Variants in PCDH11X observed in about 807,000 individuals in gnomAD.
PCDH11X encodes protocadherin 11 X-linked, also known as protocadherin-11 X-linked.
Under a neutral mutation model 53.3 loss-of-function variants are expected in PCDH11X, and 18 were observed. The observed-to-expected ratio is 0.34, with a 90% CI of 0.23 to 0.50. The LOEUF is 0.50. Among genes scored for constraint, PCDH11X ranks in the 20% least tolerant of loss-of-function variants. PCDH11X has a pLI of 0.98. For synonymous variants in PCDH11X, 279 were observed against 393.3 expected (o/e 0.71, Z 3.44); for missense variants, 570 against 1,032.4 (o/e 0.55, Z 6.14).
intron 10 of PCDH11X, among the ~76,000 whole-genome samples, chrX:92,605,721 A>G (rs1344837637): frequency 4.5e-5 from 5 of 112,214 alleles, no homozygotes; most frequent in Non-Finnish European, 9.4e-5. Context: ...TCTCATTTAC[A>G]GTAGAATAAA....
At chrX:91,912,231 T>C (rs1311583707) in intron 6 of PCDH11X, among the ~76,000 whole-genome samples, 2 of 111,442 alleles carry the variant, frequency 1.8e-5, no homozygotes, top group Admixed American at 9.5e-5. Context: ...ACAGGGATAA[T>C]TTGACTTCTT....
intron 8 of PCDH11X, among the ~76,000 whole-genome samples, chrX:92,295,155 C>G (rs1271290861): frequency 2.8e-5 from 3 of 107,927 alleles, no homozygotes; most frequent in Non-Finnish European, 3.8e-5. Flanking sequence ...TAAATGCAAA[C>G]AGAATATGAC....
chrX:92,611,836 C>T (rs1222039207), intron 10 of PCDH11X, among the ~76,000 whole-genome samples: 1 of 105,199 alleles, frequency 9.5e-6, no homozygotes, highest in Non-Finnish European at 2.0e-5. Context: ...CTGAGATGAT[C>T]ACTTTTTTTT....
At chrX:92,278,009 A>T (rs2068147749) in intron 8 of PCDH11X, among the ~76,000 whole-genome samples, 1 of 111,653 alleles carries the variant, frequency 9.0e-6, no homozygotes, top group South Asian at 3.7e-4. Context: ...ATGATTAAAC[A>T]CCAAGGAAAG....
At chrX:92,473,964 T>G (rs1205928193) in intron 10 of PCDH11X, among the ~76,000 whole-genome samples, 1 of 111,582 alleles carries the variant, frequency 9.0e-6, no homozygotes, top group Non-Finnish European at 1.9e-5. Flanking sequence ...GATTTTTTGT[T>G]CTATAGTGAG....
chrX:92,438,346 A>C (rs1486465158), intron 9 of PCDH11X, among the ~76,000 whole-genome samples: 1 of 111,686 alleles, frequency 9.0e-6, no homozygotes, highest in African/African-American at 3.2e-5. Context: ...GTTATTATTA[A>C]GGGAATTGAT....
intron 8 of PCDH11X, among the ~76,000 whole-genome samples, chrX:92,331,064 A>G (rs2069452618): frequency 9.7e-6 from 1 of 102,883 alleles, no homozygotes; most frequent in Admixed American, 1.1e-4. Context: ...TGTGCAGTTT[A>G]CTGTATGTTA....
intron 6 of PCDH11X, among the ~76,000 whole-genome samples, chrX:92,028,851 AAC>A (rs2063004958): frequency 9.0e-6 from 1 of 111,574 alleles, no homozygotes; most frequent in Admixed American, 9.6e-5. Flanking sequence ...GGAGGCCAAA[AAC>A]ACAGCAATAA....
intron 6 of PCDH11X, among the ~76,000 whole-genome samples, chrX:92,108,131 T>C (rs2064426306): frequency 8.9e-6 from 1 of 112,160 alleles, no homozygotes; most frequent in Non-Finnish European, 1.9e-5. Context: ...TCTGAAAACA[T>C]ACCTGGTTCA....
At chrX:92,610,746 T>C (rs72608350) in intron 10 of PCDH11X, among the ~76,000 whole-genome samples, 25,623 of 110,026 alleles carry the variant, frequency 0.23, 2,390 homozygotes, top group African/African-American at 0.3. Context: ...TTTAAATCTT[T>C]AATTCATCTT....
intron 8 of PCDH11X, among the ~76,000 whole-genome samples, chrX:92,345,200 C>T (rs1317730242): frequency 3.6e-5 from 4 of 110,438 alleles, no homozygotes; most frequent in Non-Finnish European, 5.7e-5. Flanking sequence ...GAAAACAGAG[C>T]TGAAGAGGAT....
At chrX:92,224,905 T>C in intron 7 of PCDH11X, among the ~76,000 whole-genome samples, 1 of 112,072 alleles carries the variant, frequency 8.9e-6, no homozygotes, top group East Asian at 2.8e-4. Flanking sequence ...TCTTGCCCAA[T>C]TGTGTGTGCT....
At chrX:91,951,588 A>C (rs2061641764) in intron 6 of PCDH11X, among the ~76,000 whole-genome samples, 1 of 100,040 alleles carries the variant, frequency 1.0e-5, no homozygotes, top group Non-Finnish European at 2.0e-5. Flanking sequence ...CTGATGCATC[A>C]ACTATTCCAG....
At chrX:92,558,515 A>C (rs1266636912) in intron 10 of PCDH11X, among the ~76,000 whole-genome samples, 2 of 111,578 alleles carry the variant, frequency 1.8e-5, no homozygotes, top group African/African-American at 6.5e-5. Flanking sequence ...GAAGTTCTAT[A>C]TGGAAACAAG....
intron 8 of PCDH11X, among the ~76,000 whole-genome samples, chrX:92,366,900 T>C (rs1406885124): frequency 9.1e-6 from 1 of 110,240 alleles, no homozygotes; most frequent in Non-Finnish European, 1.9e-5. Flanking sequence ...GCTGAGGAGT[T>C]TTTTACTTCC....
chrX:92,368,078 T>C lies in PCDH11X; in HGVS notation c.3145-19657T>C, dbSNP rs1243419592. 3.9e-5 allele frequency among the ~76,000 whole-genome samples: 4 copies of C among 102,020 alleles called. No homozygotes were observed. The East Asian group carries it at 1.2e-3, about 31-fold the overall frequency. 88.6% of individuals were successfully genotyped at this position (102,020 alleles called of 115,157 possible). On this transcript the variant is annotated intron_variant, in intron 8 of 10. Transcript: ENST00000682573. ...GGTGAAGTTCTCCTGGATAATATCC[T>C]GAAGTGTGTTTCCCAACTTGGTTCC... is the stretch of plus-strand genomic sequence containing the variant.
At chrX:91,946,070 CG>C (rs2061568892) in intron 6 of PCDH11X, among the ~76,000 whole-genome samples, 1 of 109,123 alleles carries the variant, frequency 9.2e-6, no homozygotes, top group South Asian at 4.0e-4. Context: ...CGTGGTGAAA[CG>C]GAATACTCAG....
intron 8 of PCDH11X, among the ~76,000 whole-genome samples, chrX:92,278,452 C>T (rs902468971): frequency 9.0e-5 from 10 of 110,568 alleles, no homozygotes; most frequent in African/African-American, 3.0e-4. Context: ...GGGCTGAGTC[C>T]GAAAAGAGAG....
chrX:92,102,566 T>A (rs1028643178), intron 6 of PCDH11X, among the ~76,000 whole-genome samples: 7 of 111,668 alleles, frequency 6.3e-5, no homozygotes, highest in African/African-American at 2.0e-4. Context: ...CAGATGAGGA[T>A]GAAATTTGGG....
Sources: allele counts gnomAD v4.1 joint callset (sites outside exome capture counted in the v4.1 genomes callset), GRCh38; gene constraint gnomAD v4.1.1; transcripts MANE v1.5; gene names NCBI Gene and HGNC (gene_info 2026-07-23, HGNC 2026-07-21).